Variants in CDH13 observed in about 807,000 individuals in gnomAD.
CDH13 encodes the protein cadherin 13.
A neutral mutation model predicts 63.8 loss-of-function variants in CDH13; 24 were observed. The observed-to-expected ratio is 0.38, with a 90% CI of 0.27 to 0.53. CDH13 has a LOEUF of 0.53. CDH13 is among the 20% of genes least tolerant of loss of function. The pLI, the probability that CDH13 is intolerant of heterozygous loss-of-function variation, is 0.85. For missense variants in CDH13, 1,049 were observed against 903.1 expected (o/e 1.16, Z -2.07); for synonymous variants, 503 against 355.3 (o/e 1.42, Z -4.67).
chr16:83,462,052 C>T (rs747776835), intron 6 of CDH13, among the ~76,000 whole-genome samples: 1 of 152,206 alleles, frequency 6.6e-6, no homozygotes. Flanking sequence ...AAGAGTAACC[C>T]AAGAGAAGTC....
At chr16:82,869,148 G>C (rs995854756) in intron 2 of CDH13, among the ~76,000 whole-genome samples, 4 of 152,164 alleles carry the variant, frequency 2.6e-5, no homozygotes, top group African/African-American at 9.7e-5. Flanking sequence ...CTGGGTTCAA[G>C]CTATTCTCAT....
rs148617474 is a variant in CDH13, at chr16:83,218,221, C to T, written c.636+724C>T. On this transcript the variant is annotated intron_variant, in intron 5 of 13. Transcript: ENST00000567109. ...TTGAAGTGAGAAGATACTATAAGGG[C>T]GTTGGAGGCATAAAGTGCTGGACAG... Among the ~76,000 whole-genome samples, 11 of 152,216 alleles carry T rather than the reference C, an allele frequency of 7.2e-5. No individual in the cohort carries two copies. In the East Asian group the frequency reaches 1.5e-3, roughly 21 times the overall value.
intron 6 of CDH13, among the ~76,000 whole-genome samples, chr16:83,369,126 T>G (rs1371365642): frequency 6.6e-6 from 1 of 151,606 alleles, no homozygotes; most frequent in Non-Finnish European, 1.5e-5. Flanking sequence ...TTTTAGTTCT[T>G]TAAGGAATCT....
intron 1 of CDH13, among the ~76,000 whole-genome samples, chr16:82,801,357 A>T (rs116837390): frequency 1.3e-5 from 2 of 152,146 alleles, no homozygotes; most frequent in African/African-American, 4.8e-5. Context: ...TCCTCGAGGG[A>T]CCTCTAGCTT....
At chr16:83,449,838 G>T (rs1017733639) in intron 6 of CDH13, among the ~76,000 whole-genome samples, 1 of 152,198 alleles carries the variant, frequency 6.6e-6, no homozygotes, top group African/African-American at 2.4e-5. Flanking sequence ...GAGAAAATGA[G>T]CTAATGCAAG....
At chr16:82,902,085 A>G (rs1015142844) in intron 2 of CDH13, among the ~76,000 whole-genome samples, 1 of 152,222 alleles carries the variant, frequency 6.6e-6, no homozygotes, top group Non-Finnish European at 1.5e-5. Context: ...CTGTTTGCCT[A>G]TATCAAACTG....
intron 1 of CDH13, among the ~76,000 whole-genome samples, chr16:82,792,109 G>A (rs1001682706): frequency 2.6e-5 from 4 of 152,108 alleles, no homozygotes; most frequent in Non-Finnish European, 5.9e-5. Flanking sequence ...ATAGAATATG[G>A]CACCTTCCTT....
chr16:83,767,870 T>C (rs1475019359), intron 11 of CDH13, among the ~76,000 whole-genome samples: 1 of 152,104 alleles, frequency 6.6e-6, no homozygotes, highest in Non-Finnish European at 1.5e-5. Context: ...TAGTACAAAT[T>C]GGCCCAAGGT....
At chr16:82,732,881 G>A (rs1205510641) in intron 1 of CDH13, among the ~76,000 whole-genome samples, 2 of 152,208 alleles carry the variant, frequency 1.3e-5, no homozygotes, top group East Asian at 3.8e-4. Context: ...CAGAGGAAGA[G>A]TCTGATGGGG....
chr16:83,794,925 T>C (rs1597246087), intron 13 of CDH13, 98 bp from the exon 14 acceptor site: 2 of 1,128,036 alleles, frequency 1.8e-6, no homozygotes. Context: ...TTAAAATGTG[T>C]TTATTATACC....
intron 10 of CDH13, among the ~76,000 whole-genome samples, chr16:83,711,969 G>T (rs144052330): frequency 1.3e-5 from 2 of 152,182 alleles, no homozygotes; most frequent in Non-Finnish European, 2.9e-5. Context: ...TGGCAGAGTT[G>T]GTTCCTTCTG....
At chr16:82,744,941 C>T (rs2034092975) in intron 1 of CDH13, among the ~76,000 whole-genome samples, 1 of 152,282 alleles carries the variant, frequency 6.6e-6, no homozygotes, top group East Asian at 1.9e-4. Flanking sequence ...TCACAACACA[C>T]ATAAATAGCC....
At chr16:83,757,433 C>G (rs1913601756) in intron 11 of CDH13, among the ~76,000 whole-genome samples, 2 of 152,116 alleles carry the variant, frequency 1.3e-5, no homozygotes, top group South Asian at 2.1e-4. Flanking sequence ...CAAAGATTAG[C>G]TGGATACAGT....
At chr16:82,666,540 C>T (rs766771658) in intron 1 of CDH13, among the ~76,000 whole-genome samples, 1 of 152,212 alleles carries the variant, frequency 6.6e-6, no homozygotes, top group African/African-American at 2.4e-5. Flanking sequence ...GGAAAGCACA[C>T]ACTTTGAAGC....
intron 5 of CDH13, among the ~76,000 whole-genome samples, chr16:83,230,606 C>G (rs1396515574): frequency 6.6e-6 from 1 of 152,098 alleles, no homozygotes; most frequent in Non-Finnish European, 1.5e-5. Flanking sequence ...GCAAGAGTGG[C>G]CAAAACCCCA....
Position 83,213,573 on chromosome 16 carries a change from C to A in CDH13, c.484-3772C>A, listed in dbSNP as rs928504101. ...TGGCAGATAGATGGGTCAGAGAAGC[C>A]CATTCTTGGGAAGCATGATTGCTTC... On this transcript the variant is annotated intron_variant, in intron 4 of 13. Transcript: ENST00000567109. Among the ~76,000 whole-genome samples, 15 of 142,672 alleles carry A rather than the reference C, an allele frequency of 1.1e-4. 1 individual carries two copies. Among genetic ancestry groups the A allele is most frequent in the Non-Finnish European group, 1.5e-5 (1 of 66,190 alleles). The allele number at this position is 142,672 out of a possible 152,430, so 93.6% of individuals were successfully genotyped here. A position where few individuals can be genotyped will look rare whatever the true frequency, so the allele number is the denominator to read the frequency against.
intron 3 of CDH13, among the ~76,000 whole-genome samples, chr16:83,074,356 G>T (rs192073667): frequency 2.6e-5 from 4 of 152,252 alleles, no homozygotes; most frequent in Admixed American, 2.6e-4. Flanking sequence ...ATTTCATTGT[G>T]TAAATATACC....
chr16:83,411,483 C>T (rs2092125105), intron 6 of CDH13, among the ~76,000 whole-genome samples: 1 of 152,148 alleles, frequency 6.6e-6, no homozygotes, highest in African/African-American at 2.4e-5. Context: ...ATCATATGTG[C>T]TCAATATGGG....
chr16:83,278,997 A>G (rs1014555603), intron 5 of CDH13, among the ~76,000 whole-genome samples: 2 of 152,118 alleles, frequency 1.3e-5, no homozygotes, highest in Non-Finnish European at 1.5e-5. Flanking sequence ...TAGTAGTGAC[A>G]TCTTTCCTTT....
Sources: allele counts gnomAD v4.1 joint callset (sites outside exome capture counted in the v4.1 genomes callset), GRCh38; gene constraint gnomAD v4.1.1; transcripts MANE v1.5; gene names NCBI Gene and HGNC (gene_info 2026-07-23, HGNC 2026-07-21).